Variants in SRGAP2 observed in about 807,000 individuals in gnomAD.
SRGAP2 encodes the protein SLIT-ROBO Rho GTPase activating protein 2.
A neutral mutation model predicts 57.2 loss-of-function variants in SRGAP2; 15 were observed. The observed-to-expected ratio is 0.26, with a 90% CI of 0.18 to 0.40. SRGAP2 has a LOEUF of 0.40. SRGAP2 is among the 10% of genes least tolerant of loss of function. SRGAP2 has a pLI of 1.00. For missense variants in SRGAP2, 520 were observed against 669.6 expected (o/e 0.78, Z 2.47); for synonymous variants, 249 against 248.0 (o/e 1.00, Z -0.04).
chr1:206,372,972 TC>T (rs1654772096), intron 4 of SRGAP2, among the ~76,000 whole-genome samples: 1 of 35,444 alleles, frequency 2.8e-5, no homozygotes, highest in Non-Finnish European at 5.5e-5. Flanking sequence ...TTCCTTTCTT[TC>T]TTTCTTTCTT....
intron 3 of SRGAP2, among the ~76,000 whole-genome samples, chr1:206,327,179 T>A (rs2102858110): frequency 6.6e-6 from 1 of 151,936 alleles, no homozygotes; most frequent in African/African-American, 2.4e-5. Context: ...AACACAAAAT[T>A]AGCCGGGCAT....
chr1:206,449,447 CTT>C (rs60880671), intron 18 of SRGAP2, among the ~76,000 whole-genome samples: 2,077 of 138,810 alleles, frequency 0.015, 23 homozygotes, highest in South Asian at 0.042. Flanking sequence ...TGCACACTGG[CTT>C]TTTTTTTTTT....
intron 2 of SRGAP2, among the ~76,000 whole-genome samples, chr1:206,278,887 A>C (rs2102680802): frequency 6.7e-6 from 1 of 149,660 alleles, no homozygotes; most frequent in East Asian, 1.9e-4. Flanking sequence ...GCTGAAGCAG[A>C]GTGCTCTGGT....
At chr1:206,397,179 A>T (rs1440999176) in intron 7 of SRGAP2, among the ~76,000 whole-genome samples, 2 of 151,994 alleles carry the variant, frequency 1.3e-5, no homozygotes, top group Non-Finnish European at 2.9e-5. Context: ...CTTCACAAAG[A>T]TGGGATTATC....
chr1:206,436,746 G>A (rs564158881), intron 14 of SRGAP2, among the ~76,000 whole-genome samples: 1 of 152,332 alleles, frequency 6.6e-6, no homozygotes, highest in East Asian at 1.9e-4. Flanking sequence ...AGTCAAAGGA[G>A]TCTCTAACTT....
chr1:206,441,072 G>A (rs1472981626), intron 17 of SRGAP2, among the ~76,000 whole-genome samples: 1 of 152,196 alleles, frequency 6.6e-6, no homozygotes, highest in Non-Finnish European at 1.5e-5. Flanking sequence ...ATTATACATA[G>A]AATATGGAGA....
intron 4 of SRGAP2, among the ~76,000 whole-genome samples, chr1:206,363,387 A>G (rs1677051446): frequency 6.6e-6 from 1 of 151,872 alleles, no homozygotes; most frequent in African/African-American, 2.4e-5. Flanking sequence ...AAATTCCCCA[A>G]ATGTTAAAAT....
chr1:206,455,096 C>G, intron 21 of SRGAP2, 72 bp downstream of exon 21: 1 of 776,610 alleles, frequency 1.3e-6, no homozygotes, highest in Non-Finnish European at 2.4e-6. Context: ...TGGCCTAACC[C>G]CCATCTCCAT....
rs61815473 is a variant in SRGAP2, at chr1:206,260,805, C to A, written c.68-42476C>A. ...GCAATACTTCAGTGAACAAAGGCAGCTTTTTAAAGGGTCGCACAGCAGTGC... is the reference window on the plus strand; with the variant it reads ...GCAATACTTCAGTGAACAAAGGCAGATTTTTAAAGGGTCGCACAGCAGTGC... On this transcript the variant is annotated intron_variant, in intron 2 of 22. Coordinates refer to ENST00000573034, the MANE Select transcript of SRGAP2 (RefSeq NM_015326.5). Among the ~76,000 whole-genome samples, 253 of 152,126 alleles carry A rather than the reference C, an allele frequency of 1.7e-3. 1 individual carries two copies. The highest frequency in any genetic ancestry group is 5.7e-3 in the African/African-American group (236 of 41,470).
At chr1:206,419,757 G>A (rs2103240758) in intron 12 of SRGAP2, among the ~76,000 whole-genome samples, 1 of 151,478 alleles carries the variant, frequency 6.6e-6, no homozygotes, top group Non-Finnish European at 1.5e-5. Context: ...CAACATAGGG[G>A]CTCTGGGGAG....
chr1:206,451,731 T>G (rs1326433175), intron 19 of SRGAP2, among the ~76,000 whole-genome samples: 1 of 152,242 alleles, frequency 6.6e-6, no homozygotes, highest in Non-Finnish European at 1.5e-5. Flanking sequence ...TTTATATATG[T>G]TATCTCTTAA....
At chr1:206,443,465 C>G (rs1662488312) in intron 17 of SRGAP2, among the ~76,000 whole-genome samples, 1 of 152,206 alleles carries the variant, frequency 6.6e-6, no homozygotes, top group Non-Finnish European at 1.5e-5. Context: ...ACCTCTGCCT[C>G]CCAGGTTCAA....
chr1:206,304,388 A>C (rs1672065988), intron 3 of SRGAP2, among the ~76,000 whole-genome samples: 1 of 134,986 alleles, frequency 7.4e-6, no homozygotes, highest in Non-Finnish European at 1.5e-5. Context: ...AGCATTGAGG[A>C]TCACAGTCCA....
intron 10 of SRGAP2, among the ~76,000 whole-genome samples, chr1:206,414,945 A>G (rs1249931484): frequency 6.6e-6 from 1 of 152,198 alleles, no homozygotes; most frequent in African/African-American, 2.4e-5. Context: ...CTGTACCATG[A>G]TGGATGGGGC....
chr1:206,448,867 A>C (rs1205285714), intron 18 of SRGAP2, among the ~76,000 whole-genome samples: 5 of 152,122 alleles, frequency 3.3e-5, no homozygotes, highest in African/African-American at 1.2e-4. Context: ...ACAAAGAGGA[A>C]TCTCCGTTTA....
intron 7 of SRGAP2, among the ~76,000 whole-genome samples, chr1:206,397,139 C>A (rs1376586644): frequency 7.2e-5 from 11 of 152,056 alleles, no homozygotes; most frequent in African/African-American, 2.7e-4. Flanking sequence ...TGATTTCTTT[C>A]ACCATAAATT....
Position 206,257,334 on chromosome 1 carries a change from G to A in SRGAP2, c.68-45947G>A, listed in dbSNP as rs1669246592. Among the ~76,000 whole-genome samples, 3 of 87,902 alleles carry A rather than the reference G, an allele frequency of 3.4e-5. 1 individual carries two copies. Among genetic ancestry groups the A allele is most frequent in the African/African-American group, 4.6e-5 (1 of 21,804 alleles). The allele number at this position is 87,902 out of a possible 152,430, so 57.7% of individuals were successfully genotyped here. A position where few individuals can be genotyped will look rare whatever the true frequency, so the allele number is the denominator to read the frequency against. On this transcript the variant is annotated intron_variant, in intron 2 of 22. Transcript: ENST00000573034. ...CTACAATTGTGCACCACTACACACT[G>A]CTATTTTTTTTTTTTTTTTTGAGAT...
chr1:206,213,667 C>T (rs1446352666), intron 2 of SRGAP2, among the ~76,000 whole-genome samples: 2 of 152,040 alleles, frequency 1.3e-5, no homozygotes, highest in Non-Finnish European at 2.9e-5. Flanking sequence ...CATCTGTAAT[C>T]CCAGCACTTT....
At chr1:206,371,722 C>A (rs1654570078) in intron 4 of SRGAP2, among the ~76,000 whole-genome samples, 2 of 122,510 alleles carry the variant, frequency 1.6e-5, no homozygotes, top group African/African-American at 3.7e-5. Context: ...CTGAGTGAGA[C>A]TCCGTCTCCA....
Sources: gnomAD v4.1 joint callset for allele counts (sites outside exome capture counted in the v4.1 genomes callset) on GRCh38, gnomAD v4.1.1 for gene constraint, MANE v1.5 for transcripts, NCBI Gene and HGNC (gene_info 2026-07-23, HGNC 2026-07-21) for gene names.